CBX5: variants seen among roughly 807,000 people sequenced by gnomAD.
CBX5 encodes chromobox 5, also known as chromobox protein homolog 5.
In CBX5, 7 loss-of-function variants were observed where a neutral mutation model predicts 20.7. The ratio of observed to expected loss-of-function variants is 0.34; its 90% CI spans 0.19 to 0.63. CBX5 has a LOEUF of 0.63. CBX5 is among the 30% of genes least tolerant of loss of function. The pLI, the probability that CBX5 is intolerant of heterozygous loss-of-function variation, is 0.75. For missense variants in CBX5, 110 were observed against 224.1 expected (o/e 0.49, Z 3.25); for synonymous variants, 78 against 77.0 (o/e 1.01, Z -0.07).
At chr12:54,262,871 T>C (rs2137025348) in intron 1 of CBX5, 1 of 152,162 alleles carries the variant, frequency 6.6e-6, no homozygotes, top group South Asian at 2.1e-4. Context: ...CCCAATACCA[T>C]GACAGAGGAA....
At position 54,260,255 on chromosome 12, in the gene CBX5, C is replaced by T. The variant is rs563196774; in HGVS notation, c.-42-2563G>A. Among the ~76,000 whole-genome samples, 3 of 151,686 alleles carry T rather than the reference C, an allele frequency of 2.0e-5. No homozygotes were observed. In the East Asian group the frequency reaches 5.8e-4, roughly 29 times the overall value. ...CCTGTAATCCCAGAACTTTGGGAGG[C>T]CGGGACGGGGCAATCATTTGAGGTC... On this transcript the variant is annotated intron_variant, in intron 1 of 4. Transcript: ENST00000209875.
chr12:54,254,200 C>T (rs1173893882), intron 2 of CBX5, among the ~76,000 whole-genome samples: 1 of 151,404 alleles, frequency 6.6e-6, no homozygotes, highest in Non-Finnish European at 1.5e-5. Flanking sequence ...CATGGTGGCA[C>T]CTGCCTGTAA....
rs761346011 is a variant in CBX5, at chr12:54,241,740, A to C, written c.*15T>G. ...TATTATGTACAAAGAGAAATGACAG[A>C]GACCATCCCCTCCTTTAGCTCTTTG... On this transcript the variant is annotated 3_prime_UTR_variant, in exon 5 of 5. Coordinates refer to ENST00000209875, the MANE Select transcript of CBX5 (RefSeq NM_012117.3). 6.2e-7 allele frequency: 1 copy of C among 1,605,708 alleles called. No individual in the cohort carries two copies.
rs908551573 is a variant in CBX5 at position 54,240,064 on chromosome 12, G to A, written c.*1691C>T. On this transcript the variant is annotated 3_prime_UTR_variant, in exon 5 of 5. Coordinates refer to ENST00000209875, the MANE Select transcript of CBX5 (RefSeq NM_012117.3). ...AACAAGAAAAGCAGCCTCATGGCTG[G>A]TGCGCTCTAGAATTAAGGCTATATT... 2 of 152,324 alleles carry A rather than the reference G, an allele frequency of 1.3e-5. No homozygotes were observed. The highest frequency in any genetic ancestry group is 6.5e-5 in the Admixed American group (1 of 15,296). The allele number at this position is 152,324 out of a possible 1,614,324, so 9.4% of individuals were successfully genotyped here.
intron 1 of CBX5, among the ~76,000 whole-genome samples, chr12:54,260,348 C>A (rs1943904372): frequency 6.6e-6 from 1 of 151,786 alleles, no homozygotes; most frequent in Non-Finnish European, 1.5e-5. Context: ...AAAAAATTAG[C>A]CAGGTGTGGT....
intron 2 of CBX5, chr12:54,255,522 G>C (rs1943854664): frequency 7.1e-6 from 1 of 141,436 alleles, no homozygotes; most frequent in Admixed American, 7.3e-5. Context: ...TCGCGCCACT[G>C]AGCTCCAGCG....
chr12:54,242,034 G>A, intron 4 of CBX5, 129 bp from the exon 5 acceptor site: 1 of 768,582 alleles, frequency 1.3e-6, no homozygotes, highest in Non-Finnish European at 2.1e-6. Flanking sequence ...AGGTGAAAAG[G>A]ACCCTTTCAA....
intron 3 of CBX5, among the ~76,000 whole-genome samples, chr12:54,250,052 C>T (rs1385242364): frequency 6.6e-6 from 1 of 151,696 alleles, no homozygotes. Flanking sequence ...GAGAAACACC[C>T]TCTCTACTAA....
At chr12:54,259,606 CCAGCTGCCTGGGCGCCACT>C (rs1461263148) in intron 1 of CBX5, 1 of 152,796 alleles carries the variant, frequency 6.5e-6, no homozygotes, top group African/African-American at 2.4e-5. Flanking sequence ...CTGCCCCCAC[CCAGCTGCCTGGGCGCCACT>C]GCGCAGCTGT....
Position 54,231,000 on chromosome 12 carries a change from G to A in CBX5, c.*10755C>T, listed in dbSNP as rs1469162359. On this transcript the variant is annotated 3_prime_UTR_variant, in exon 5 of 5. Coordinates refer to ENST00000209875, the MANE Select transcript of CBX5 (RefSeq NM_012117.3). The stretch of plus-strand genomic sequence containing the variant: ...TACAAGAGTATGAAAAGGGGGAAAA[G>A]AGGAGGGTAGAAGAGGGGGAGAGAA... The A allele has an allele frequency of 6.6e-6, 1 of 152,204 alleles. No individual in the cohort carries two copies. Among genetic ancestry groups the A allele is most frequent in the Admixed American group, 6.5e-5 (1 of 15,274 alleles). 9.4% of individuals were successfully genotyped at this position (152,204 alleles called of 1,614,324 possible). A position where few individuals can be genotyped will look rare whatever the true frequency, so the allele number is the denominator to read the frequency against.
chr12:54,276,439 T>G (rs1944068965), intron 1 of CBX5, among the ~76,000 whole-genome samples: 1 of 152,230 alleles, frequency 6.6e-6, no homozygotes, highest in Admixed American at 6.5e-5. Flanking sequence ...TTGATTACTG[T>G]ACCGAAAGTG....
At chr12:54,258,939 A>G (rs1943888131) in intron 1 of CBX5, among the ~76,000 whole-genome samples, 3 of 152,150 alleles carry the variant, frequency 2.0e-5, no homozygotes. Context: ...ACTTCAAATT[A>G]GCAAAATTTT....
intron 2 of CBX5, among the ~76,000 whole-genome samples, chr12:54,257,283 G>A (rs1007800175): frequency 1.3e-5 from 2 of 152,178 alleles, no homozygotes; most frequent in African/African-American, 2.4e-5. Context: ...TCTGACTCTC[G>A]AGTCTGTGCT....
chr12:54,239,821 G>A lies in CBX5; in HGVS notation c.*1934C>T, dbSNP rs561241657. 3.1e-4 allele frequency: 47 copies of A among 152,284 alleles called. 3 individuals are homozygous for A. The highest frequency in any genetic ancestry group is 8.3e-4 in the South Asian group (4 of 4,826). 9.4% of individuals were successfully genotyped at this position (152,284 alleles called of 1,614,324 possible). ...CAACAGCTGTCACCTCAATTATGCA[G>A]TATAATTTTTGACATAATTTATATA... On this transcript the variant is annotated 3_prime_UTR_variant, in exon 5 of 5. Transcript: ENST00000209875.
chr12:54,279,508 C>G (rs967711168), intron 1 of CBX5, among the ~76,000 whole-genome samples: 1 of 152,150 alleles, frequency 6.6e-6, no homozygotes, highest in Non-Finnish European at 1.5e-5. Flanking sequence ...CCTCACAACC[C>G]CAAATCGAAG....
chr12:54,275,237 T>C (rs148847399), intron 1 of CBX5, among the ~76,000 whole-genome samples: 102 of 152,196 alleles, frequency 6.7e-4, no homozygotes, highest in Non-Finnish European at 1.1e-3. Context: ...ATAGTAGGTA[T>C]GTCTCTAAGT....
chr12:54,246,856 C>T (rs1423639465), intron 3 of CBX5, among the ~76,000 whole-genome samples: 3 of 151,568 alleles, frequency 2.0e-5, no homozygotes. Flanking sequence ...CTCCTCTAAT[C>T]CCACTCACTT....
At chr12:54,246,574 G>A (rs1255198461) in intron 3 of CBX5, among the ~76,000 whole-genome samples, 1 of 152,070 alleles carries the variant, frequency 6.6e-6, no homozygotes, top group Admixed American at 6.5e-5. Flanking sequence ...AAGCTCAGGA[G>A]TTCAAGACCA....
At position 54,232,622 on chromosome 12, in the gene CBX5, G is replaced by A. The variant is rs1315007041; in HGVS notation, c.*9133C>T. On this transcript the variant is annotated 3_prime_UTR_variant, in exon 5 of 5. Transcript: ENST00000209875. ...CATTTTACCTCTCAGAGTGTACTTG[G>A]GAGCAGAGGGAAGTTGGCAGGATAC... is the stretch of plus-strand genomic sequence containing the variant. 1 of 151,746 alleles carries A rather than the reference G, an allele frequency of 6.6e-6. No homozygotes were observed. The highest frequency in any genetic ancestry group is 1.9e-4 in the East Asian group (1 of 5,182). 9.4% of individuals were successfully genotyped at this position (151,746 alleles called of 1,614,324 possible). A position where few individuals can be genotyped will look rare whatever the true frequency, so the allele number is the denominator to read the frequency against.
Sources: gnomAD v4.1 joint callset for allele counts (sites outside exome capture counted in the v4.1 genomes callset) on GRCh38, gnomAD v4.1.1 for gene constraint, MANE v1.5 for transcripts, NCBI Gene and HGNC (gene_info 2026-07-23, HGNC 2026-07-21) for gene names.